CNTNAP5: variants seen among roughly 807,000 people sequenced by gnomAD.
CNTNAP5 encodes the protein contactin-associated protein-like 5.
Under a neutral mutation model 150.2 loss-of-function variants are expected in CNTNAP5, and 72 were observed. That is an observed-to-expected ratio of 0.48 (90% CI 0.40 to 0.58). CNTNAP5 has a LOEUF of 0.58. Ranked by LOEUF, CNTNAP5 falls within the 20% of genes least tolerant of loss-of-function variation. CNTNAP5 has a pLI of 0.00. For synonymous variants in CNTNAP5, 672 were observed against 619.8 expected (o/e 1.08, Z -1.25); for missense variants, 1,636 against 1,626.2 (o/e 1.01, Z -0.10).
chr2:124,321,700 T>C (rs1689102753), intron 3 of CNTNAP5, among the ~76,000 whole-genome samples: 1 of 152,202 alleles, frequency 6.6e-6, no homozygotes, highest in African/African-American at 2.4e-5. Flanking sequence ...TAGAAATTAA[T>C]AGAATGTCTC....
chr2:124,080,092 G>T (rs1479696670), intron 1 of CNTNAP5, among the ~76,000 whole-genome samples: 1 of 152,150 alleles, frequency 6.6e-6, no homozygotes, highest in East Asian at 1.9e-4. Context: ...CAAGGGAAAA[G>T]AAAATCATCA....
chr2:124,624,704 C>A (rs1388809111), intron 12 of CNTNAP5, among the ~76,000 whole-genome samples: 1 of 152,082 alleles, frequency 6.6e-6, no homozygotes, highest in Non-Finnish European at 1.5e-5. Flanking sequence ...ATATTTTGCA[C>A]AGTGTGGAAA....
At chr2:124,356,021 A>G (rs925890173) in intron 3 of CNTNAP5, among the ~76,000 whole-genome samples, 1 of 152,202 alleles carries the variant, frequency 6.6e-6, no homozygotes, top group African/African-American at 2.4e-5. Flanking sequence ...TAGGTAAGAA[A>G]AACAATGCTT....
chr2:124,646,693 AGCCTT>A (rs998580571), intron 12 of CNTNAP5, among the ~76,000 whole-genome samples: 10 of 152,176 alleles, frequency 6.6e-5, no homozygotes, highest in Admixed American at 6.5e-4. Context: ...TCCCAGATAG[AGCCTT>A]GCAACTTTGT....
chr2:124,331,063 G>A (rs1350760249), intron 3 of CNTNAP5, among the ~76,000 whole-genome samples: 2 of 152,030 alleles, frequency 1.3e-5, no homozygotes, highest in Non-Finnish European at 2.9e-5. Context: ...ACTCATACTT[G>A]TCGGAGTCCT....
intron 1 of CNTNAP5, among the ~76,000 whole-genome samples, chr2:124,130,331 C>T (rs1334255816): frequency 6.6e-6 from 1 of 151,964 alleles, no homozygotes; most frequent in Non-Finnish European, 1.5e-5. Context: ...TTCCCAAACA[C>T]AGTGCCCTGT....
chr2:124,581,967 G>A (rs1040302313), intron 11 of CNTNAP5, among the ~76,000 whole-genome samples: 3 of 152,174 alleles, frequency 2.0e-5, no homozygotes, highest in Middle Eastern at 3.2e-3. Context: ...CACAAACACG[G>A]AGGCAGGGGC....
At chr2:124,673,536 A>G (rs1179304539) in intron 13 of CNTNAP5, among the ~76,000 whole-genome samples, 1 of 151,950 alleles carries the variant, frequency 6.6e-6, no homozygotes, top group Non-Finnish European at 1.5e-5. Flanking sequence ...GTATATGTTA[A>G]TATTTCCAAC....
At chr2:124,396,165 G>C (rs1406668768) in intron 3 of CNTNAP5, among the ~76,000 whole-genome samples, 2 of 152,206 alleles carry the variant, frequency 1.3e-5, no homozygotes, top group Non-Finnish European at 2.9e-5. Context: ...CCATATGCCT[G>C]TCTGGCTTGA....
At chr2:124,407,445 T>C (rs1429135440) in intron 3 of CNTNAP5, among the ~76,000 whole-genome samples, 6 of 152,170 alleles carry the variant, frequency 3.9e-5, no homozygotes, top group Admixed American at 3.9e-4. Flanking sequence ...CTAACAAATG[T>C]AACAAATTAA....
chr2:124,257,607 G>C (rs1308902556), intron 3 of CNTNAP5, among the ~76,000 whole-genome samples: 3 of 152,100 alleles, frequency 2.0e-5, no homozygotes, highest in African/African-American at 7.2e-5. Context: ...CACTTCTCCT[G>C]ATTCAATTAC....
chr2:124,153,000 C>A (rs1277777182), intron 1 of CNTNAP5, among the ~76,000 whole-genome samples: 1 of 152,130 alleles, frequency 6.6e-6, no homozygotes, highest in Non-Finnish European at 1.5e-5. Context: ...AGGGTTAGTT[C>A]TGCTTTGAAT....
At chr2:124,104,950 T>C (rs1276862585) in intron 1 of CNTNAP5, among the ~76,000 whole-genome samples, 1 of 152,206 alleles carries the variant, frequency 6.6e-6, no homozygotes, top group African/African-American at 2.4e-5. Context: ...AGTTAAAGTT[T>C]CCTGACATCT....
In CNTNAP5 at chr2:124,064,883, C is replaced by A. The variant is rs533594104; in HGVS notation, c.82+39151C>A. 1.4e-3 allele frequency among the ~76,000 whole-genome samples: 219 copies of A among 152,234 alleles called. 1 individual carries two copies. Among genetic ancestry groups the A allele is most frequent in the African/African-American group, 5.1e-3 (210 of 41,558 alleles). On this transcript the variant is annotated intron_variant, in intron 1 of 23. Coordinates refer to ENST00000682447, the MANE Select transcript of CNTNAP5 (RefSeq NM_001367498.1). ...CCTATCATCTTTCAGGTTTCATATACAATGTTACTTCATGTGGAAAGTGGG... is the reference window on the plus strand; with the variant it reads ...CCTATCATCTTTCAGGTTTCATATAAAATGTTACTTCATGTGGAAAGTGGG...
At chr2:124,838,605 T>C (rs2104689767) in intron 19 of CNTNAP5, among the ~76,000 whole-genome samples, 1 of 152,330 alleles carries the variant, frequency 6.6e-6, no homozygotes, top group African/African-American at 2.4e-5. Context: ...CTCATGCAGC[T>C]GGCTGCGAAT....
chr2:124,726,085 C>T (rs1255108394), intron 13 of CNTNAP5, among the ~76,000 whole-genome samples: 1 of 151,860 alleles, frequency 6.6e-6, no homozygotes, highest in African/African-American at 2.4e-5. Flanking sequence ...ACATTCCCAC[C>T]AAGAGTGTAC....
At chr2:124,615,848 G>A (rs1293860484) in intron 12 of CNTNAP5, among the ~76,000 whole-genome samples, 1 of 152,200 alleles carries the variant, frequency 6.6e-6, no homozygotes, top group East Asian at 1.9e-4. Context: ...AAATGTGATA[G>A]CAGGCAGGAA....
rs148227678 is a variant in CNTNAP5, at chr2:124,554,979, A to G, written c.1650-8238A>G. Among the ~76,000 whole-genome samples, 48 of 152,326 alleles carry G rather than the reference A, an allele frequency of 3.2e-4. 1 individual carries two copies. Among genetic ancestry groups the G allele is most frequent in the African/African-American group, 1.0e-3 (43 of 41,574 alleles). On this transcript the variant is annotated intron_variant, in intron 10 of 23. Coordinates refer to ENST00000682447, the MANE Select transcript of CNTNAP5 (RefSeq NM_001367498.1). ...TTAAAAATTAAAAACTCAATGAATG[A>G]TTATTAGACTTCATGACTTGATGTA...
At chr2:124,903,861 C>T (rs964913416) in intron 22 of CNTNAP5, among the ~76,000 whole-genome samples, 1 of 152,014 alleles carries the variant, frequency 6.6e-6, no homozygotes, top group African/African-American at 2.4e-5. Context: ...CGAGACCAGT[C>T]TGGCCAACAT....
Sources: gnomAD v4.1 joint callset for allele counts (sites outside exome capture counted in the v4.1 genomes callset) on GRCh38, gnomAD v4.1.1 for gene constraint, MANE v1.5 for transcripts, NCBI Gene and HGNC (gene_info 2026-07-23, HGNC 2026-07-21) for gene names.